ARAP2: variants seen among roughly 807,000 people sequenced by gnomAD.
ARAP2 encodes the protein arf-GAP with Rho-GAP domain, ANK repeat and PH domain-containing protein 2.
ARAP2 carries 148 observed loss-of-function variants against 194.5 expected under a neutral mutation model. The observed-to-expected ratio is 0.76, with a 90% CI of 0.67 to 0.87. The LOEUF (loss-of-function observed/expected upper bound fraction) is 0.87. Ranked by LOEUF, ARAP2 falls within the 40% of genes least tolerant of loss-of-function variation. The probability of loss-of-function intolerance (pLI) is 0.00; values close to 1 mark genes in which losing one functional copy is unlikely to be tolerated. For synonymous variants in ARAP2, 695 were observed against 683.5 expected (o/e 1.02, Z -0.26); for missense variants, 2,128 against 1,989.7 (o/e 1.07, Z -1.32).
At chr4:36,095,143 T>C (rs760033206) in intron 27 of ARAP2, among the ~76,000 whole-genome samples, 7 of 152,128 alleles carry the variant, frequency 4.6e-5, no homozygotes, top group Non-Finnish European at 1.0e-4. Flanking sequence ...TCCCCTCCTT[T>C]GCCCCACAAT....
chr4:36,229,614 T>C lies in ARAP2; in HGVS notation c.-128A>G, dbSNP rs1751036989. 1 of 687,514 alleles carries C rather than the reference T, an allele frequency of 1.5e-6. No individual in the cohort carries two copies. The highest frequency in any genetic ancestry group is 1.8e-5 in the African/African-American group (1 of 56,080). 42.6% of individuals were successfully genotyped at this position (687,514 alleles called of 1,614,324 possible). A position where few individuals can be genotyped will look rare whatever the true frequency, so the allele number is the denominator to read the frequency against. ...CAGAAAAGTTTCTTAAAATGTTATTTTCTTCACAGTGACTGCTTTACCTGC... is the reference window on the plus strand; with the variant it reads ...CAGAAAAGTTTCTTAAAATGTTATTCTCTTCACAGTGACTGCTTTACCTGC... On this transcript the variant is annotated 5_prime_UTR_variant, in exon 2 of 33. Transcript: ENST00000303965.
chr4:36,244,423 C>A lies in ARAP2; in HGVS notation c.-404G>T, dbSNP rs1266986298. The A allele has an allele frequency of 6.7e-6, 1 of 149,970 alleles. No individual in the cohort carries two copies. The highest frequency in any genetic ancestry group is 2.1e-4 in the South Asian group (1 of 4,826). The allele number at this position is 149,970 out of a possible 1,614,324, so 9.3% of individuals were successfully genotyped here. On this transcript the variant is annotated 5_prime_UTR_variant, in exon 1 of 33. Transcript: ENST00000303965. ...CGCACCTGGAGGCGGGGAGCGCGGG[C>A]CGCGGACCCGCGCTCAGCTCCGGAA...
intron 1 of ARAP2, among the ~76,000 whole-genome samples, chr4:36,235,569 G>T (rs953698629): frequency 3.3e-5 from 5 of 152,172 alleles, no homozygotes; most frequent in African/African-American, 1.2e-4. Flanking sequence ...TGTCTCCACG[G>T]CTTCTACTAC....
At chr4:36,150,713 A>T (rs574674475) in intron 16 of ARAP2, among the ~76,000 whole-genome samples, 187 bp downstream of exon 16, 10 of 152,186 alleles carry the variant, frequency 6.6e-5, no homozygotes, top group Middle Eastern at 3.2e-3. Context: ...TAAATATTTT[A>T]GTCTTCCTAC....
chr4:36,169,687 A>T (rs1376287947), intron 9 of ARAP2, among the ~76,000 whole-genome samples: 1 of 152,112 alleles, frequency 6.6e-6, no homozygotes, highest in Non-Finnish European at 1.5e-5. Context: ...GTGCACCACC[A>T]GGCCCAGCTA....
chr4:36,110,703 G>A (rs550536162), intron 26 of ARAP2, among the ~76,000 whole-genome samples: 4 of 151,820 alleles, frequency 2.6e-5, no homozygotes, highest in African/African-American at 4.8e-5. Flanking sequence ...ATTTTCCCAC[G>A]AATCTGACTA....
At chr4:36,085,107 T>C (rs1388227552) in intron 28 of ARAP2, among the ~76,000 whole-genome samples, 2 of 152,096 alleles carry the variant, frequency 1.3e-5, no homozygotes, top group Non-Finnish European at 2.9e-5. Context: ...TATTTGTTTG[T>C]ACTAGTTCTT....
intron 2 of ARAP2, among the ~76,000 whole-genome samples, chr4:36,053,924 T>C (rs1006126107): frequency 2.6e-5 from 4 of 152,172 alleles, no homozygotes; most frequent in African/African-American, 7.2e-5. Context: ...GTGTAGTAGA[T>C]ACACAACAAA....
chr4:36,161,494 C>T lies in ARAP2; in HGVS notation c.2230G>A (p.Ala744Thr), dbSNP rs1167802144. 6.2e-6 allele frequency: 10 copies of T among 1,613,962 alleles called. No homozygotes were observed. The highest frequency in any genetic ancestry group is 1.3e-5 in the African/African-American group (1 of 74,916). The change falls in exon 12 of 33, where the codon GCT (alanine) becomes ACT (threonine). Residue 744 changes from alanine to threonine, a missense_variant. Coordinates refer to ENST00000303965, the MANE Select transcript of ARAP2 (RefSeq NM_015230.4). ...DSKVRSLKMD[A>T]SIWSNELIEL... ...ATGAGTTCATTGCTCCAAATGCTAG[C>T]ATCCATTTTTAGACTTCTAACCTTG...
downstream of ARAP2, chr4:36,065,281 A>G: frequency 2.2e-6 from 1 of 451,618 alleles, no homozygotes; most frequent in Non-Finnish European, 4.6e-6. Flanking sequence ...GGCCAACACC[A>G]TGTCACCCTT....
intron 1 of ARAP2, among the ~76,000 whole-genome samples, chr4:36,060,065 C>T (rs1724167170): frequency 6.6e-6 from 1 of 152,104 alleles, no homozygotes; most frequent in South Asian, 2.1e-4. Flanking sequence ...GATATAAATG[C>T]TACTTCTATC....
chr4:36,147,197 T>C (rs114391071), intron 19 of ARAP2, 99 bp downstream of exon 19: 14,074 of 1,071,638 alleles, frequency 0.013, 130 homozygotes, highest in Non-Finnish European at 0.017. Flanking sequence ...TTTCAACAGG[T>C]TTTAAAATAT....
intron 29 of ARAP2, 96 bp downstream of exon 29, chr4:36,083,272 T>G (rs1560391523): frequency 1.1e-6 from 1 of 905,436 alleles, no homozygotes; most frequent in African/African-American, 1.7e-5. Flanking sequence ...ACTTACTTTA[T>G]AAAAAGTTAG....
rs772352338 is a variant in ARAP2, at chr4:36,143,721, C to T, written c.3263+3575G>A. On this transcript the variant is annotated intron_variant, in intron 19 of 32. Coordinates refer to ENST00000303965, the MANE Select transcript of ARAP2 (RefSeq NM_015230.4). ...TGGTGGGGATGGTACATTAGCTATACGAAGAGATTTACAGAAAGTAACTTG... is the reference window on the plus strand; with the variant it reads ...TGGTGGGGATGGTACATTAGCTATATGAAGAGATTTACAGAAAGTAACTTG... 5.9e-5 allele frequency among the ~76,000 whole-genome samples: 9 copies of T among 151,692 alleles called. No homozygotes were observed. The South Asian group carries it at 6.2e-4, about 10-fold the overall frequency.
intron 27 of ARAP2, among the ~76,000 whole-genome samples, chr4:36,093,912 T>C (rs538002923): frequency 2.6e-5 from 4 of 152,310 alleles, no homozygotes; most frequent in Admixed American, 2.0e-4. Flanking sequence ...TTTCTAGACA[T>C]TGCTACCTCA....
intron 25 of ARAP2, among the ~76,000 whole-genome samples, chr4:36,116,233 C>T (rs1377170487): frequency 4.0e-5 from 6 of 151,826 alleles, no homozygotes; most frequent in African/African-American, 1.2e-4. Context: ...ATTAGAAACA[C>T]AAAACTTAAA....
intron 26 of ARAP2, among the ~76,000 whole-genome samples, chr4:36,110,573 T>G (rs949063297): frequency 9.9e-5 from 15 of 151,952 alleles, no homozygotes; most frequent in Non-Finnish European, 2.2e-4. Flanking sequence ...ATTAAAATAA[T>G]AGCATATTTT....
At chr4:36,110,120 T>C (rs1719515691) in intron 26 of ARAP2, among the ~76,000 whole-genome samples, 1 of 151,918 alleles carries the variant, frequency 6.6e-6, no homozygotes, top group Admixed American at 6.6e-5. Context: ...AACAGAGATG[T>C]GCATCCCAAA....
intron 1 of ARAP2, among the ~76,000 whole-genome samples, chr4:36,238,910 G>A (rs1238290297): frequency 6.6e-6 from 1 of 151,400 alleles, no homozygotes; most frequent in African/African-American, 2.4e-5. Context: ...AGTATTCACT[G>A]CCCACATGAA....
Sources: allele counts gnomAD v4.1 joint callset (sites outside exome capture counted in the v4.1 genomes callset), GRCh38; gene constraint gnomAD v4.1.1; transcripts MANE v1.5; gene names NCBI Gene and HGNC (gene_info 2026-07-23, HGNC 2026-07-21).